The following THSD4 variants were observed in gnomAD, a reference collection of about 807,000 sequenced individuals.
The protein encoded by THSD4 is thrombospondin type-1 domain-containing protein 4.
A neutral mutation model predicts 119.0 loss-of-function variants in THSD4; 69 were observed. The ratio of observed to expected loss-of-function variants is 0.58; its 90% CI spans 0.48 to 0.71. THSD4 has a LOEUF of 0.71. Among genes scored for constraint, THSD4 ranks in the 30% least tolerant of loss-of-function variants. The pLI is 0.00. For synonymous variants in THSD4, 524 were observed against 540.4 expected, an observed-to-expected ratio of 0.97 and a Z score of 0.42; for missense variants, 1,393 against 1,391.1, an observed-to-expected ratio of 1.00 and a Z score of -0.02.
chr15:71,553,753 C>G (rs1404263514), intron 7 of THSD4, among the ~76,000 whole-genome samples: 1 of 152,114 alleles, frequency 6.6e-6, no homozygotes, highest in Non-Finnish European at 1.5e-5. Context: ...TGAATTTTAT[C>G]AAATATTGTT....
At chr15:71,776,598 C>T (rs778695151) in intron 17 of THSD4, among the ~76,000 whole-genome samples, 24 of 152,142 alleles carry the variant, frequency 1.6e-4, no homozygotes, top group Non-Finnish European at 3.2e-4. Flanking sequence ...AGCAAACTGA[C>T]TGTATCTAGC....
At chr15:71,690,800 T>C (rs1007474840) in intron 8 of THSD4, among the ~76,000 whole-genome samples, 1 of 152,184 alleles carries the variant, frequency 6.6e-6, no homozygotes, top group Non-Finnish European at 1.5e-5. Context: ...TTGTGAGACT[T>C]ATTCACTGTC....
In THSD4 at chr15:71,655,212, A is replaced by G. The variant is rs149025358; in HGVS notation, c.1153-5318A>G. On this transcript the variant is annotated intron_variant, in intron 7 of 17. Transcript: ENST00000261862. The stretch of plus-strand genomic sequence containing the variant: ...CAGCAGTACACGATGAGCAAGAAAC[A>G]TAAAATAAAGGTAGATCAGAGAGTA... Among the ~76,000 whole-genome samples the G allele has an allele frequency of 3.5e-3, 529 of 152,364 alleles. 4 individuals carry two copies. Among genetic ancestry groups the G allele is most frequent in the African/African-American group, 0.012 (508 of 41,584 alleles).
chr15:71,107,436 AAAAG>A (rs1318881592), intron 1 of THSD4, among the ~76,000 whole-genome samples: 2 of 152,192 alleles, frequency 1.3e-5, no homozygotes, highest in African/African-American at 2.4e-5. Context: ...GCAAAAGAAA[AAAAG>A]AAGAGAAGAA....
At chr15:71,376,979 C>T (rs1207365342) in intron 6 of THSD4, among the ~76,000 whole-genome samples, 2 of 152,156 alleles carry the variant, frequency 1.3e-5, no homozygotes, top group African/African-American at 4.8e-5. Context: ...ACTCACCTAG[C>T]AGGTGTGTGC....
chr15:71,206,796 C>T (rs951956675), intron 3 of THSD4, among the ~76,000 whole-genome samples: 2 of 152,206 alleles, frequency 1.3e-5, no homozygotes, highest in African/African-American at 2.4e-5. Context: ...TCCCACTCTC[C>T]ACAATCTGCT....
chr15:71,735,732 G>C (rs895278115), intron 10 of THSD4, among the ~76,000 whole-genome samples: 39 of 138,104 alleles, frequency 2.8e-4, no homozygotes, highest in Non-Finnish European at 5.2e-4. Flanking sequence ...CTTGCTTTCT[G>C]TCACTGTCCC....
intron 6 of THSD4, among the ~76,000 whole-genome samples, chr15:71,274,241 C>T (rs1165079857): frequency 6.6e-6 from 1 of 152,212 alleles, no homozygotes; most frequent in African/African-American, 2.4e-5. Flanking sequence ...AGGGTAGCCA[C>T]CTGGCTCATC....
At chr15:71,260,383 A>G (rs558773010) in intron 6 of THSD4, among the ~76,000 whole-genome samples, 37 of 152,274 alleles carry the variant, frequency 2.4e-4, no homozygotes, top group African/African-American at 7.9e-4. Context: ...ACTTAATTCC[A>G]TTAGTTATCA....
intron 14 of THSD4, among the ~76,000 whole-genome samples, chr15:71,749,695 ATTTTTATT>A (rs1289678146): frequency 1.7e-4 from 6 of 34,902 alleles, no homozygotes; most frequent in African/African-American, 4.8e-4. Flanking sequence ...ATATTTTTAA[ATTTTTATT>A]TATTTATTTA....
At chr15:71,468,664 C>T (rs189552781) in intron 7 of THSD4, among the ~76,000 whole-genome samples, 155 of 152,290 alleles carry the variant, frequency 1.0e-3, no homozygotes, top group African/African-American at 3.3e-3. Context: ...TTTATTTCTG[C>T]CTCACGTTAG....
chr15:71,224,960 G>A (rs2044003424), intron 4 of THSD4, among the ~76,000 whole-genome samples: 1 of 152,138 alleles, frequency 6.6e-6, no homozygotes. Context: ...TGGGGGTTAG[G>A]ATGTGGACAT....
At chr15:71,711,480 C>G (rs1231069201) in intron 8 of THSD4, among the ~76,000 whole-genome samples, 3 of 151,334 alleles carry the variant, frequency 2.0e-5, no homozygotes, top group Non-Finnish European at 4.4e-5. Context: ...ATAAATTATA[C>G]AGAATACTGA....
chr15:71,172,546 A>G (rs1489845202), intron 3 of THSD4, among the ~76,000 whole-genome samples: 1 of 150,680 alleles, frequency 6.6e-6, no homozygotes, highest in African/African-American at 2.4e-5. Context: ...CAAATTTCAG[A>G]AAGAAGAAGA....
intron 7 of THSD4, among the ~76,000 whole-genome samples, chr15:71,534,058 G>C (rs960443378): frequency 1.3e-5 from 2 of 152,132 alleles, no homozygotes; most frequent in Non-Finnish European, 2.9e-5. Context: ...CGCGATCCCA[G>C]CTCACCACAG....
upstream of THSD4, chr15:71,111,366 A>G: frequency 6.2e-7 from 1 of 1,613,702 alleles, no homozygotes; most frequent in Non-Finnish European, 8.5e-7. Flanking sequence ...CAGGTCAAGT[A>G]GAGAGTCAGC....
intron 6 of THSD4, among the ~76,000 whole-genome samples, chr15:71,398,953 C>T (rs2046486803): frequency 6.6e-6 from 1 of 151,988 alleles, no homozygotes; most frequent in African/African-American, 2.4e-5. Context: ...AGAAAGTCCC[C>T]AGGCCCCCAT....
At chr15:71,344,294 C>T (rs956967384) in intron 6 of THSD4, among the ~76,000 whole-genome samples, 1 of 151,842 alleles carries the variant, frequency 6.6e-6, no homozygotes, top group Non-Finnish European at 1.5e-5. Flanking sequence ...CCACCCGCCT[C>T]GGCCCCCCAA....
chr15:71,358,199 A>G (rs753555348), intron 6 of THSD4, among the ~76,000 whole-genome samples: 5 of 152,172 alleles, frequency 3.3e-5, no homozygotes, highest in Non-Finnish European at 7.4e-5. Context: ...CTCTCACCCC[A>G]GGGTACGGCA....
Sources: gnomAD v4.1 joint callset for allele counts (sites outside exome capture counted in the v4.1 genomes callset) on GRCh38, gnomAD v4.1.1 for gene constraint, MANE v1.5 for transcripts, NCBI Gene and HGNC (gene_info 2026-07-23, HGNC 2026-07-21) for gene names.